The following CDH2 variants were observed in gnomAD, a reference collection of about 807,000 sequenced individuals.
The protein encoded by CDH2 is cadherin-2.
A neutral mutation model predicts 92.0 loss-of-function variants in CDH2; 17 were observed. The ratio of observed to expected loss-of-function variants is 0.18; its 90% CI spans 0.13 to 0.28. The LOEUF is 0.28. CDH2 is among the 10% of genes least tolerant of loss of function. CDH2 has a pLI of 1.00. For missense variants in CDH2, 862 were observed against 1,133.1 expected, an observed-to-expected ratio of 0.76 and a Z score of 3.44; for synonymous variants, 419 against 415.9, an observed-to-expected ratio of 1.01 and a Z score of -0.09.
intron 2 of CDH2, among the ~76,000 whole-genome samples, chr18:28,132,937 C>T (rs1407414057): frequency 6.6e-6 from 1 of 152,190 alleles, no homozygotes; most frequent in Non-Finnish European, 1.5e-5. Flanking sequence ...CTTAGTCTCA[C>T]CAAATAGTTC....
At chr18:27,989,457 T>C (rs1001532147) in intron 10 of CDH2, among the ~76,000 whole-genome samples, 4 of 152,166 alleles carry the variant, frequency 2.6e-5, no homozygotes, top group Non-Finnish European at 5.9e-5. Context: ...AAGATAACAA[T>C]AGAAAGTTAT....
chr18:28,150,238 A>T (rs2016099873), intron 1 of CDH2, among the ~76,000 whole-genome samples: 1 of 152,154 alleles, frequency 6.6e-6, no homozygotes, highest in African/African-American at 2.4e-5. Flanking sequence ...GAGCCCAGAA[A>T]CGCCGTGGCC....
At chr18:28,064,027 G>A (rs188722388) in intron 2 of CDH2, among the ~76,000 whole-genome samples, 15 of 152,086 alleles carry the variant, frequency 9.9e-5, no homozygotes, top group African/African-American at 2.4e-4. Context: ...CCTGCAAGGC[G>A]TTAACAACCA....
chr18:28,161,844 T>C (rs1445667263), intron 1 of CDH2, among the ~76,000 whole-genome samples: 1 of 152,126 alleles, frequency 6.6e-6, no homozygotes, highest in African/African-American at 2.4e-5. Flanking sequence ...CCAACTTAGA[T>C]AAAACGAGTG....
chr18:28,106,167 A>C (rs2015317395), intron 2 of CDH2, among the ~76,000 whole-genome samples: 2 of 152,248 alleles, frequency 1.3e-5, no homozygotes, highest in Admixed American at 6.5e-5. Flanking sequence ...CTATAATCCC[A>C]GCACTTGGGG....
chr18:28,156,616 A>G lies in CDH2; in HGVS notation c.61-8832T>C, dbSNP rs4991541. On this transcript the variant is annotated intron_variant, in intron 1 of 15. Transcript: ENST00000269141. ...GGTACAGCATGTCACCTTCCCAGGTACAGCATGTCACCTTCCCAGGTGCAG... is the reference window on the plus strand; with the variant it reads ...GGTACAGCATGTCACCTTCCCAGGTGCAGCATGTCACCTTCCCAGGTGCAG... 5.5e-4 allele frequency among the ~76,000 whole-genome samples: 54 copies of G among 97,696 alleles called. 2 individuals are homozygous for G. Among genetic ancestry groups the G allele is most frequent in the African/African-American group, 1.2e-3 (24 of 19,658 alleles). The allele number at this position is 97,696 out of a possible 152,430, so 64.1% of individuals were successfully genotyped here.
At chr18:27,960,998 TGAA>T in intron 15 of CDH2, among the ~76,000 whole-genome samples, 1 of 150,262 alleles carries the variant, frequency 6.7e-6, no homozygotes, top group Non-Finnish European at 1.5e-5. Flanking sequence ...AGATGTCTAC[TGAA>T]GAAGAGATAG....
chr18:28,019,315 C>T (rs553878214), intron 2 of CDH2, among the ~76,000 whole-genome samples: 1 of 143,288 alleles, frequency 7.0e-6, no homozygotes, highest in South Asian at 2.2e-4. Context: ...AGAAAGAAAA[C>T]AAGAAATGAA....
At chr18:28,152,125 C>G (rs1207143657) in intron 1 of CDH2, among the ~76,000 whole-genome samples, 1 of 152,150 alleles carries the variant, frequency 6.6e-6, no homozygotes, top group African/African-American at 2.4e-5. Flanking sequence ...AGTTCCGTAT[C>G]ACATTGTTAT....
downstream of CDH2, among the ~76,000 whole-genome samples, chr18:27,949,403 G>C (rs1353746387): frequency 6.6e-6 from 1 of 151,916 alleles, no homozygotes; most frequent in African/African-American, 2.4e-5. Flanking sequence ...ACATGCACAA[G>C]GATGTTTACT....
At chr18:28,098,421 T>C (rs2015172184) in intron 2 of CDH2, among the ~76,000 whole-genome samples, 1 of 152,184 alleles carries the variant, frequency 6.6e-6, no homozygotes, top group South Asian at 2.1e-4. Flanking sequence ...TAGGTTCCTA[T>C]GAGCCTCTGG....
At chr18:28,129,115 C>A (rs558360328) in intron 2 of CDH2, among the ~76,000 whole-genome samples, 3 of 152,282 alleles carry the variant, frequency 2.0e-5, no homozygotes, top group East Asian at 3.9e-4. Flanking sequence ...CTGATATATG[C>A]AAACAGGCCT....
At chr18:27,994,859 A>G (rs2012530700) in intron 7 of CDH2, among the ~76,000 whole-genome samples, 1 of 152,126 alleles carries the variant, frequency 6.6e-6, no homozygotes, top group African/African-American at 2.4e-5. Context: ...TGTCCACCCA[A>G]ATGCCAATCT....
At chr18:28,045,095 C>T (rs1188736088) in intron 2 of CDH2, among the ~76,000 whole-genome samples, 3 of 152,044 alleles carry the variant, frequency 2.0e-5, no homozygotes, top group Non-Finnish European at 2.9e-5. Context: ...TCTCCTACAC[C>T]GCTCACCATC....
At position 28,009,780 on chromosome 18, in the gene CDH2, G is replaced by A; in HGVS notation, c.639C>T (p.Asn213=). 3.7e-6 allele frequency: 6 copies of A among 1,614,028 alleles called. No individual in the cohort carries two copies. Among genetic ancestry groups the A allele is most frequent in the Non-Finnish European group, 5.1e-6 (6 of 1,179,974 alleles). The part of the protein sequence containing the change: ...DQPPTGIFII[N]PISGQLSVTK... ...TCACCGACAGCTGACCCGAGATGGG[G>A]TTGATAATGAAGATACCAGTTGGAG... The change falls in exon 5 of 16, where the codon AAC becomes AAT. Residue 213 remains asparagine, a synonymous_variant. Coordinates refer to ENST00000269141, the MANE Select transcript of CDH2 (RefSeq NM_001792.5).
At chr18:28,169,173 A>G (rs1327134371) in intron 1 of CDH2, among the ~76,000 whole-genome samples, 2 of 152,186 alleles carry the variant, frequency 1.3e-5, no homozygotes, top group East Asian at 3.8e-4. Context: ...GCAGCAGCAA[A>G]TACCTAGTTT....
chr18:28,086,668 A>C (rs1244899624), intron 2 of CDH2, among the ~76,000 whole-genome samples: 1 of 150,936 alleles, frequency 6.6e-6, no homozygotes, highest in Non-Finnish European at 1.5e-5. Flanking sequence ...CACACAAGAC[A>C]CACTAGGGGC....
intron 15 of CDH2, among the ~76,000 whole-genome samples, chr18:27,960,019 A>AACACATACACACACAC (rs2011357034): frequency 6.7e-6 from 1 of 149,502 alleles, no homozygotes; most frequent in Non-Finnish European, 1.5e-5. Context: ...TGTCTCTTAA[A>AACACATACACACACAC]ACACACACAC....
intron 11 of CDH2, 106 bp downstream of exon 11, chr18:27,988,418 T>A (rs2012302852): frequency 1.1e-6 from 1 of 919,006 alleles, no homozygotes; most frequent in Non-Finnish European, 1.7e-6. Flanking sequence ...ATTATAAAAG[T>A]CAGTTTTCCA....
Sources: gnomAD v4.1 joint callset for allele counts (sites outside exome capture counted in the v4.1 genomes callset) on GRCh38, gnomAD v4.1.1 for gene constraint, MANE v1.5 for transcripts, NCBI Gene and HGNC (gene_info 2026-07-23, HGNC 2026-07-21) for gene names.